Variants in PSMD4 observed in about 807,000 individuals in gnomAD.
PSMD4 encodes 26S proteasome non-ATPase regulatory subunit 4.
PSMD4 carries 5 observed loss-of-function variants against 39.7 expected under a neutral mutation model. The observed-to-expected ratio is 0.13, with a 90% CI of 0.07 to 0.26. The LOEUF is 0.26. PSMD4 is among the 10% of genes least tolerant of loss of function. PSMD4 has a pLI of 1.00. For missense variants in PSMD4, 272 were observed against 486.1 expected (o/e 0.56, Z 4.14); for synonymous variants, 143 against 174.6 (o/e 0.82, Z 1.43).
intron 6 of PSMD4, 72 bp from the exon 7 acceptor site, chr1:151,265,932 C>A: frequency 6.7e-7 from 1 of 1,498,098 alleles, no homozygotes; most frequent in Non-Finnish European, 8.9e-7. Flanking sequence ...TTTCCCACAC[C>A]CCAACTGACT....
intron 1 of PSMD4, among the ~76,000 whole-genome samples, chr1:151,261,883 A>T (rs1376942372): frequency 6.8e-6 from 1 of 147,510 alleles, no homozygotes; most frequent in African/African-American, 2.5e-5. Flanking sequence ...TGAGCCCAGG[A>T]GGTGGAAGCT....
chr1:151,262,364 T>C, intron 2 of PSMD4, 63 bp downstream of exon 2: 4 of 1,595,678 alleles, frequency 2.5e-6, no homozygotes, highest in Non-Finnish European at 3.4e-6. Flanking sequence ...TACTCTTCTT[T>C]AGATTCCATG....
At chr1:151,255,120 A>G (rs1437094422) in intron 1 of PSMD4, among the ~76,000 whole-genome samples, 3 of 152,170 alleles carry the variant, frequency 2.0e-5, no homozygotes, top group Non-Finnish European at 2.9e-5. Context: ...TTTCGGACTC[A>G]TCGTAATAGT....
At chr1:151,263,708 G>A (rs587625853) in intron 2 of PSMD4, 480 of 331,954 alleles carry the variant, frequency 1.4e-3, no homozygotes, top group Middle Eastern at 3.9e-3. Context: ...GTGGGTGCCC[G>A]TAGTCCCAGC....
Position 151,254,789 on chromosome 1 carries a change from T to C in PSMD4, c.7T>C (p.Leu3=). The stretch of plus-strand genomic sequence containing the variant: ...GAGGGAGGAAGGTGGCAAGATGGTG[T>C]TGGAAAGCACTATGGTGTGGTGAGG... MV[L]ESTMVCVDNS... is the part of the protein sequence containing the mutation. The change falls in exon 1 of 10, where the codon TTG becomes CTG. Residue 3 remains leucine (L), a synonymous_variant. Transcript: ENST00000368884. 2 of 1,566,030 alleles carry C rather than the reference T, an allele frequency of 1.3e-6. No individual in the cohort carries two copies. Among genetic ancestry groups the C allele is most frequent in the South Asian group, 1.2e-5 (1 of 85,228 alleles).
At chr1:151,260,267 A>G (rs1425515074) in intron 1 of PSMD4, among the ~76,000 whole-genome samples, 1 of 152,088 alleles carries the variant, frequency 6.6e-6, no homozygotes, top group Non-Finnish European at 1.5e-5. Flanking sequence ...TAGCACAGGT[A>G]GAACCTTAAC....
At chr1:151,261,089 C>T (rs1430662341) in intron 1 of PSMD4, among the ~76,000 whole-genome samples, 1 of 151,658 alleles carries the variant, frequency 6.6e-6, no homozygotes, top group Non-Finnish European at 1.5e-5. Flanking sequence ...TCAGGTGATA[C>T]ACCCGCCTCC....
At position 151,263,911 on chromosome 1, in the gene PSMD4, C is replaced by G; in HGVS notation, c.168-3C>G. 1 of 1,564,980 alleles carries G rather than the reference C, an allele frequency of 6.4e-7. No homozygotes were observed. Among genetic ancestry groups the G allele is most frequent in the Non-Finnish European group, 8.7e-7 (1 of 1,151,382 alleles). On this transcript the variant is annotated splice_region_variant and splice_polypyrimidine_tract_variant and intron_variant, in intron 2 of 9. Transcript: ENST00000368884. ...TCACTGAAATGCTTTTCCTACATCC[C>G]AGTGACTGTGAAGTGCTGACCACAC...
At chr1:151,265,745 C>T (rs1326109020) in intron 6 of PSMD4, 136 bp downstream of exon 6, 4 of 1,036,376 alleles carry the variant, frequency 3.9e-6, no homozygotes, top group Non-Finnish European at 5.6e-6. Flanking sequence ...CTCCTTTTGC[C>T]GCCTCTTCCC....
chr1:151,259,669 A>G (rs1422928837), intron 1 of PSMD4, among the ~76,000 whole-genome samples: 1 of 152,166 alleles, frequency 6.6e-6, no homozygotes, highest in Non-Finnish European at 1.5e-5. Flanking sequence ...CAGGAGGACT[A>G]CATGAGTCTA....
At chr1:151,266,163 A>G in intron 7 of PSMD4, 51 bp downstream of exon 7, 1 of 1,588,950 alleles carries the variant, frequency 6.3e-7, no homozygotes, top group South Asian at 1.2e-5. Flanking sequence ...CTAAACATTG[A>G]AAGCTGGGTG....
chr1:151,265,504 C>T lies in PSMD4; in HGVS notation c.549C>T (p.Leu183=). 6.2e-7 allele frequency: 1 copy of T among 1,614,220 alleles called. No homozygotes were observed. The highest frequency in any genetic ancestry group is 8.5e-7 in the Non-Finnish European group (1 of 1,180,040). Residue 183 remains leucine (L), a synonymous_variant, in exon 6 of 10, where the codon CTC becomes CTT. Coordinates refer to ENST00000368884, the MANE Select transcript of PSMD4 (RefSeq NM_002810.4). ...VPPGPSLADA[L]ISSPILAGEG... ...CTGGGCCCAGTTTGGCTGATGCTCT[C>T]ATCAGTTCTCCGATTTTGGCTGGTG...
In PSMD4 at chr1:151,262,188, T is replaced by C. The variant is rs1441581397; in HGVS notation, c.54T>C (p.Asn18=). Reference sequence around the variant, plus strand: ...TGGACAACAGTGAGTATATGCGGAATGGAGACTTCTTACCCACCAGGCTGC... The same window carrying C: ...TGGACAACAGTGAGTATATGCGGAACGGAGACTTCTTACCCACCAGGCTGC... ...VCVDNSEYMR[N]GDFLPTRLQA... The change falls in exon 2 of 10, where the codon AAT becomes AAC. Residue 18 remains asparagine, a synonymous_variant. Transcript: ENST00000368884. 6.2e-7 allele frequency: 1 copy of C among 1,614,200 alleles called. No individual in the cohort carries two copies. The highest frequency in any genetic ancestry group is 8.5e-7 in the Non-Finnish European group (1 of 1,180,034).
At chr1:151,255,071 C>A (rs1693132430) in intron 1 of PSMD4, among the ~76,000 whole-genome samples, 1 of 152,232 alleles carries the variant, frequency 6.6e-6, no homozygotes. Context: ...GCCGTCTTCT[C>A]TAGAGCAGCC....
intron 1 of PSMD4, among the ~76,000 whole-genome samples, chr1:151,259,517 A>G (rs1693267906): frequency 6.7e-6 from 1 of 150,056 alleles, no homozygotes; most frequent in African/African-American, 2.5e-5. Context: ...TCTCTTTACC[A>G]TTTTTGGTTT....
intron 3 of PSMD4, 144 bp from the exon 4 acceptor site, chr1:151,264,688 G>A (rs1693389172): frequency 1.6e-6 from 1 of 634,294 alleles, no homozygotes; most frequent in Admixed American, 2.4e-5. Flanking sequence ...GGAGGAGGTG[G>A]GGGTGTTAAA....
intron 8 of PSMD4, 28 bp from the exon 9 acceptor site, chr1:151,266,492 A>G: frequency 6.2e-7 from 1 of 1,614,168 alleles, no homozygotes; most frequent in South Asian, 1.1e-5. Context: ...AGGAAGTGTA[A>G]CTGAACAGAC....
At chr1:151,267,110 T>A in intron 9 of PSMD4, 63 bp from the exon 10 acceptor site, 1 of 1,597,894 alleles carries the variant, frequency 6.3e-7, no homozygotes, top group Non-Finnish European at 8.6e-7. Flanking sequence ...GCTCCTGTCC[T>A]TAACACCTGC....
intron 1 of PSMD4, among the ~76,000 whole-genome samples, chr1:151,260,062 G>A (rs1342400132): frequency 6.6e-6 from 1 of 152,032 alleles, no homozygotes; most frequent in African/African-American, 2.4e-5. Context: ...GCCGGGTATG[G>A]TGGTTGCATG....
Sources: gnomAD v4.1 joint callset for allele counts (sites outside exome capture counted in the v4.1 genomes callset) on GRCh38, gnomAD v4.1.1 for gene constraint, MANE v1.5 for transcripts, NCBI Gene and HGNC (gene_info 2026-07-23, HGNC 2026-07-21) for gene names.